The following ADGRL4 variants were observed in gnomAD, a reference collection of about 807,000 sequenced individuals.
ADGRL4 encodes the protein EGF, latrophilin and seven transmembrane domain containing 1.
In ADGRL4, 90 loss-of-function variants were observed where a neutral mutation model predicts 74.8. The observed-to-expected ratio is 1.20, with a 90% CI of 1.02 to 1.43. The LOEUF is 1.43. ADGRL4 is among the 40% of genes most tolerant of loss of function. ADGRL4 has a pLI of 0.00. For missense variants in ADGRL4, 881 were observed against 814.3 expected, an observed-to-expected ratio of 1.08 and a Z score of -1.00; for synonymous variants, 311 against 279.2, an observed-to-expected ratio of 1.11 and a Z score of -1.14.
rs748805337 is a variant in ADGRL4 at position 78,926,972 on chromosome 1, A to G, written c.997T>C (p.Ser333Pro). ...DNSEEEERVI[S>P]SVISVSMSSN... ...CTCATTGAGACTGAAATTACTGAAG[A>G]TATGACTCTTTCCTCCTCTTCAGAA... is the stretch of plus-strand genomic sequence containing the variant. The change falls in exon 8 of 15, where the codon TCT (serine) becomes CCT (proline). Residue 333 changes from serine (S) to proline (P), a missense_variant. By Grantham distance (74) the Ser-to-Pro change is moderately conservative. Coordinates refer to ENST00000370742, the MANE Select transcript of ADGRL4 (RefSeq NM_022159.4). The G allele has an allele frequency of 9.3e-6, 15 of 1,612,080 alleles. No homozygotes were observed. The highest frequency in any genetic ancestry group is 1.2e-5 in the Non-Finnish European group (14 of 1,178,788).
chr1:78,956,079 T>C (rs1281795546), intron 2 of ADGRL4, among the ~76,000 whole-genome samples: 1 of 152,202 alleles, frequency 6.6e-6, no homozygotes, highest in Non-Finnish European at 1.5e-5. Flanking sequence ...CCATAATTTG[T>C]GATTATAACC....
At chr1:78,925,578 G>A (rs548750101) in intron 8 of ADGRL4, among the ~76,000 whole-genome samples, 61 of 152,042 alleles carry the variant, frequency 4.0e-4, no homozygotes, top group African/African-American at 1.4e-3. Flanking sequence ...AAATGGGAGC[G>A]AAATTTCATT....
At position 78,891,649 on chromosome 1, in the gene ADGRL4, T is replaced by C. The variant is rs371353724; in HGVS notation, c.1885A>G (p.Thr629Ala). Reference protein sequence around the residue: ...GALALLFLLGTTWIFGVLHVV... With the variant: ...GALALLFLLGATWIFGVLHVV... ...TGGAGAACCCCAAAGATCCAGGTGG[T>C]GCCGAGAAGGAACAGAAGAGCGAGG... Residue 629 changes from threonine (T) to alanine (A), a missense_variant, in exon 14 of 15, where the codon ACC becomes GCC. Thr to Ala is a moderately conservative substitution (Grantham distance 58). Transcript: ENST00000370742. The C allele has an allele frequency of 2.7e-5, 43 of 1,613,058 alleles. No homozygotes were observed. The highest frequency in any genetic ancestry group is 3.6e-5 in the Non-Finnish European group (43 of 1,179,592).
intron 12 of ADGRL4, among the ~76,000 whole-genome samples, chr1:78,903,013 G>A (rs1450497817): frequency 2.0e-5 from 3 of 151,926 alleles, no homozygotes; most frequent in East Asian, 3.9e-4. Context: ...ATAAATTGGG[G>A]TACATGAAGA....
chr1:79,004,324 T>C (rs1184450164), intron 2 of ADGRL4, among the ~76,000 whole-genome samples: 1 of 152,130 alleles, frequency 6.6e-6, no homozygotes. Flanking sequence ...CAGTTAAAAC[T>C]AGATTTTACT....
chr1:78,997,320 C>T (rs111979422), intron 2 of ADGRL4, among the ~76,000 whole-genome samples: 123 of 152,190 alleles, frequency 8.1e-4, no homozygotes, highest in Middle Eastern at 3.4e-3. Flanking sequence ...TATTCTATCC[C>T]GCAACCACCC....
rs763631502 is a variant in ADGRL4 at position 78,906,353 on chromosome 1, G to GT, written c.1749+11280dup. Among the ~76,000 whole-genome samples, 16 of 151,738 alleles carry GT rather than the reference G, an allele frequency of 1.1e-4. 1 individual carries two copies. Among genetic ancestry groups the GT allele is most frequent in the East Asian group, 1.9e-4 (1 of 5,170 alleles). ...TTCCATTAGGAATATTTTAATAGTG[G>GT]TTTTTTTTAGTGTTTGAAGGAATAA... On this transcript the variant is annotated intron_variant, in intron 12 of 14. Transcript: ENST00000370742.
In ADGRL4 at chr1:78,930,447, ATTTTTTTTTTTTT is replaced by A. The variant is rs750792474; in HGVS notation, c.878-3369_878-3357del. Among the ~76,000 whole-genome samples, 6 of 97,284 alleles carry A rather than the reference ATTTTTTTTTTTTT, an allele frequency of 6.2e-5. No individual in the cohort carries two copies. In the East Asian group the frequency reaches 1.8e-3, roughly 30 times the overall value. 63.8% of individuals were successfully genotyped at this position (97,284 alleles called of 152,430 possible). On this transcript the variant is annotated intron_variant, in intron 7 of 14. Transcript: ENST00000370742. ...CTAGTTAGGTACCAAGGAAAAGCTGATTTTTTTTTTTTTTTTTTTTTTGTGATGGATTCTTGCT... is the reference window on the plus strand; with the variant it reads ...CTAGTTAGGTACCAAGGAAAAGCTGATTTTTTTTTGTGATGGATTCTTGCT...
chr1:78,988,720 G>A (rs1473329793), intron 2 of ADGRL4, among the ~76,000 whole-genome samples: 1 of 151,744 alleles, frequency 6.6e-6, no homozygotes, highest in Non-Finnish European at 1.5e-5. Context: ...CTCACAAGGT[G>A]AGTCTACAGA....
At chr1:78,958,818 A>G (rs902773813) in intron 2 of ADGRL4, among the ~76,000 whole-genome samples, 1 of 152,238 alleles carries the variant, frequency 6.6e-6, no homozygotes, top group Non-Finnish European at 1.5e-5. Flanking sequence ...ATAGCATTGC[A>G]TGCTACAGGG....
At position 78,926,989 on chromosome 1, in the gene ADGRL4, T is replaced by C. The variant is rs201663186; in HGVS notation, c.980A>G (p.Glu327Gly). Residue 327 changes from glutamate to glycine, a missense_variant, in exon 8 of 15, where the codon GAG (glutamate) becomes GGG (glycine). Coordinates refer to ENST00000370742, the MANE Select transcript of ADGRL4 (RefSeq NM_022159.4). Reference sequence around the variant, plus strand: ...TACTGAAGATATGACTCTTTCCTCCTCTTCAGAATTATCATAATTTTGAGG... The same window carrying C: ...TACTGAAGATATGACTCTTTCCTCCCCTTCAGAATTATCATAATTTTGAGG... ...LKPQNYDNSE[E>G]EERVISSVIS... 1.2e-6 allele frequency: 2 copies of C among 1,611,360 alleles called. No homozygotes were observed. Among genetic ancestry groups the C allele is most frequent in the Non-Finnish European group, 1.7e-6 (2 of 1,178,240 alleles).
intron 10 of ADGRL4, 106 bp downstream of exon 10, chr1:78,920,077 G>T (rs1178871466): frequency 3.7e-6 from 3 of 802,992 alleles, no homozygotes; most frequent in African/African-American, 3.5e-5. Flanking sequence ...TATAGAGAAC[G>T]TCTGCCCCAT....
At position 78,938,246 on chromosome 1, in the gene ADGRL4, G is replaced by A; in HGVS notation, c.430C>T (p.Gln144Ter). 1 of 1,605,832 alleles carries A rather than the reference G, an allele frequency of 6.2e-7. No individual in the cohort carries two copies. The highest frequency in any genetic ancestry group is 8.5e-7 in the Non-Finnish European group (1 of 1,178,056). ...GTCACAGAATTTCTATAGACTTCTTGTAGCAAAGCCACAGGTTCTTTTATG... is the reference window on the plus strand; with the variant it reads ...GTCACAGAATTTCTATAGACTTCTTATAGCAAAGCCACAGGTTCTTTTATG... Reference protein sequence around the residue: ...RSIKEPVALLQEVYRNSVTDL... With the variant: ...RSIKEPVALL Residue 144 changes from glutamine (Q) to a stop codon, truncating the protein, a stop_gained, in exon 5 of 15, where the codon CAA (glutamine) becomes TAA (stop). Coordinates refer to ENST00000370742, the MANE Select transcript of ADGRL4 (RefSeq NM_022159.4). LOFTEE classifies it high-confidence loss of function.
chr1:79,003,487 G>T (rs1231355457), intron 2 of ADGRL4, among the ~76,000 whole-genome samples: 2 of 148,824 alleles, frequency 1.3e-5, no homozygotes, highest in South Asian at 2.1e-4. Context: ...GAAACTGCAG[G>T]CCAAAAGGTC....
intron 12 of ADGRL4, among the ~76,000 whole-genome samples, chr1:78,897,652 GAAT>G (rs1269061306): frequency 1.3e-5 from 2 of 152,016 alleles, no homozygotes; most frequent in South Asian, 2.1e-4. Flanking sequence ...CTTTGTATCA[GAAT>G]AATAACTTTT....
At chr1:78,975,746 T>G (rs1650264829) in intron 2 of ADGRL4, among the ~76,000 whole-genome samples, 1 of 151,788 alleles carries the variant, frequency 6.6e-6, no homozygotes, top group African/African-American at 2.4e-5. Flanking sequence ...ATTATATATA[T>G]TTCATAGATA....
In ADGRL4 at chr1:79,005,115, A is replaced by T. The variant is rs1161480703; in HGVS notation, c.127T>A (p.Tyr43Asn). The T allele has an allele frequency of 6.2e-6, 10 of 1,612,820 alleles. No homozygotes were observed. The highest frequency in any genetic ancestry group is 2.7e-5 in the African/African-American group (2 of 74,908). Residue 43 changes from tyrosine to asparagine, a missense_variant, in exon 2 of 15, where the codon TAT becomes AAT. Tyr to Asn is a moderately radical substitution (Grantham distance 143). Transcript: ENST00000370742. ...CEIRNGIEACYCNMGFSGNGV... is the reference protein window; with the variant it reads ...CEIRNGIEACNCNMGFSGNGV... ...TTTCCTGAAAATCCCATGTTGCAATAGCAGGCTTCAATTCCATTGCGTATT... is the reference window on the plus strand; with the variant it reads ...TTTCCTGAAAATCCCATGTTGCAATTGCAGGCTTCAATTCCATTGCGTATT...
chr1:78,890,303 T>C lies in ADGRL4; in HGVS notation c.*851A>G, dbSNP rs969579717. On this transcript the variant is annotated 3_prime_UTR_variant, in exon 15 of 15. Transcript: ENST00000370742. ...TTCACTTCACTGAAAGGTAATAGAA[T>C]ACTTCAGCTTTATTACACTGTTTTT... 1 of 152,194 alleles carries C rather than the reference T, an allele frequency of 6.6e-6. No individual in the cohort carries two copies. The highest frequency in any genetic ancestry group is 6.6e-5 in the Admixed American group (1 of 15,266). 9.4% of individuals were successfully genotyped at this position (152,194 alleles called of 1,614,324 possible).
At chr1:78,915,414 C>T (rs1648850468) in intron 12 of ADGRL4, among the ~76,000 whole-genome samples, 2 of 152,038 alleles carry the variant, frequency 1.3e-5, no homozygotes, top group African/African-American at 4.8e-5. Context: ...GATAATTTTA[C>T]TCTTACTATT....
Sources: allele counts gnomAD v4.1 joint callset (sites outside exome capture counted in the v4.1 genomes callset), GRCh38; gene constraint gnomAD v4.1.1; transcripts MANE v1.5; gene names NCBI Gene and HGNC (gene_info 2026-07-23, HGNC 2026-07-21).